CCDC171: variants seen among roughly 807,000 people sequenced by gnomAD.
CCDC171 encodes coiled-coil domain containing 171, also known as coiled-coil domain-containing protein 171.
CCDC171 carries 177 observed loss-of-function variants against 168.2 expected under a neutral mutation model. That is an observed-to-expected ratio of 1.05 (90% CI 0.93 to 1.19). The LOEUF (loss-of-function observed/expected upper bound fraction) is 1.19, where lower values mean the gene tolerates loss of function less well. CCDC171 is among the 50% of genes most tolerant of loss of function. The pLI is 0.00. For synonymous variants in CCDC171, 687 were observed against 540.8 expected, an observed-to-expected ratio of 1.27 and a Z score of -3.75; for missense variants, 1,991 against 1,539.0, an observed-to-expected ratio of 1.29 and a Z score of -4.91.
At chr9:15,787,606 C>T (rs753160671) in intron 21 of CCDC171, among the ~76,000 whole-genome samples, 8 of 152,012 alleles carry the variant, frequency 5.3e-5, no homozygotes, top group East Asian at 1.9e-4. Context: ...CTAAATGTTA[C>T]GCACATATCT....
chr9:15,723,670 A>T lies in CCDC171; in HGVS notation c.1426-11A>T. The T allele has an allele frequency of 6.3e-7, 1 of 1,587,140 alleles. No homozygotes were observed. The highest frequency in any genetic ancestry group is 1.2e-5 in the South Asian group (1 of 86,924). On this transcript the variant is annotated splice_polypyrimidine_tract_variant and intron_variant, in intron 12 of 25. Transcript: ENST00000380701. Reference sequence around the variant, plus strand: ...TTCTTTCATCAGCTAAACAGCATGAATGATGTTAAGGAAAAGGCATGTAAT... The same window carrying T: ...TTCTTTCATCAGCTAAACAGCATGATTGATGTTAAGGAAAAGGCATGTAAT...
At chr9:15,682,641 AAGATAT>A (rs2050116779) in intron 10 of CCDC171, among the ~76,000 whole-genome samples, 1 of 151,858 alleles carries the variant, frequency 6.6e-6, no homozygotes, top group Non-Finnish European at 1.5e-5. Flanking sequence ...ATAGATTTAA[AAGATAT>A]AACTAATAAA....
chr9:15,872,404 C>T (rs2062078968), intron 23 of CCDC171, among the ~76,000 whole-genome samples: 1 of 151,946 alleles, frequency 6.6e-6, no homozygotes, highest in African/African-American at 2.4e-5. Context: ...TGTCAAGCTT[C>T]GTGGATGAAG....
At chr9:15,799,477 A>G (rs1353866233) in intron 21 of CCDC171, among the ~76,000 whole-genome samples, 5 of 151,604 alleles carry the variant, frequency 3.3e-5, no homozygotes, top group Non-Finnish European at 5.9e-5. Flanking sequence ...TTTAATTTTT[A>G]ATGTTTGTGG....
At chr9:15,687,018 G>A (rs2050443515) in intron 10 of CCDC171, among the ~76,000 whole-genome samples, 1 of 152,100 alleles carries the variant, frequency 6.6e-6, no homozygotes. Flanking sequence ...CATGAAACAA[G>A]CCTCAATAAA....
In CCDC171 at chr9:15,920,411, A is replaced by G; in HGVS notation, c.3742A>G (p.Ser1248Gly). The G allele has an allele frequency of 1.2e-6, 2 of 1,605,190 alleles. No individual in the cohort carries two copies. Among genetic ancestry groups the G allele is most frequent in the Non-Finnish European group, 1.7e-6 (2 of 1,174,558 alleles). Residue 1248 changes from serine to glycine, a missense_variant, in exon 25 of 26, where the codon AGT becomes GGT. Coordinates refer to ENST00000380701, the MANE Select transcript of CCDC171 (RefSeq NM_173550.4). The stretch of plus-strand genomic sequence containing the variant: ...CACAGCTTGTTTACGTGAAAATGCA[A>G]GTTTACAATCAGTAAGTCCTTGTCT... ...LHTACLRENASLQSIGSRDHS... is the reference protein window; with the variant it reads ...LHTACLRENAGLQSIGSRDHS...
At chr9:16,072,698 G>C in the CCDC171 span, among the ~76,000 whole-genome samples, 1 of 151,966 alleles carries the variant, frequency 6.6e-6, no homozygotes, top group Non-Finnish European at 1.5e-5. Flanking sequence ...CGCCGCCAAA[G>C]CACAGTGCTC....
At chr9:16,105,734 C>G in the CCDC171 span, among the ~76,000 whole-genome samples, 1,970 of 152,320 alleles carry the variant, frequency 0.013, 22 homozygotes, top group South Asian at 0.063. Flanking sequence ...CTGTTGGCCT[C>G]TAACTTTAAA....
At chr9:15,658,301 G>A (rs917569710) in intron 8 of CCDC171, among the ~76,000 whole-genome samples, 4 of 152,092 alleles carry the variant, frequency 2.6e-5, no homozygotes, top group Admixed American at 6.6e-5. Context: ...GCAGCTTTTG[G>A]GACAGACAGA....
At chr9:15,596,385 C>T (rs2042359723) in intron 6 of CCDC171, among the ~76,000 whole-genome samples, 1 of 151,892 alleles carries the variant, frequency 6.6e-6, no homozygotes, top group South Asian at 2.1e-4. Context: ...TTCCCAGCAC[C>T]ATTTATTAAA....
At chr9:16,001,914 T>A (rs2132950994) in intron 3 of CCDC171, among the ~76,000 whole-genome samples, 1 of 150,702 alleles carries the variant, frequency 6.6e-6, no homozygotes, top group South Asian at 2.1e-4. Flanking sequence ...CATGGCTCAC[T>A]GCAGCCTTGA....
At position 15,564,063 on chromosome 9, in the gene CCDC171, G is replaced by C; in HGVS notation, c.-26G>C. The stretch of plus-strand genomic sequence containing the variant: ...AAATATGTCATTAAGAAATAGCAGG[G>C]TATTTTGAAAGAGTTGGAAAACATC... On this transcript the variant is annotated 5_prime_UTR_variant, in exon 2 of 26. Transcript: ENST00000380701. The C allele has an allele frequency of 1.3e-6, 2 of 1,567,774 alleles. No homozygotes were observed. Among genetic ancestry groups the C allele is most frequent in the South Asian group, 1.1e-5 (1 of 88,574 alleles).
chr9:15,728,440 T>G (rs1316055899), intron 15 of CCDC171, among the ~76,000 whole-genome samples: 1 of 152,208 alleles, frequency 6.6e-6, no homozygotes, highest in Non-Finnish European at 1.5e-5. Flanking sequence ...GATCTTAAAA[T>G]TCTTTGCTTA....
At chr9:15,975,025 T>C (rs550863758), downstream of CCDC171, among the ~76,000 whole-genome samples, 67 of 152,260 alleles carry the variant, frequency 4.4e-4, no homozygotes, top group African/African-American at 1.5e-3. Flanking sequence ...CACCTCAGCC[T>C]CCTGAGTACC....
At chr9:15,843,666 A>G (rs1341684938) in intron 21 of CCDC171, among the ~76,000 whole-genome samples, 4 of 152,016 alleles carry the variant, frequency 2.6e-5, no homozygotes, top group South Asian at 4.1e-4. Context: ...CTTTCTACCT[A>G]ATTGGCTTGT....
chr9:15,903,425 C>G (rs1822012982), intron 24 of CCDC171, among the ~76,000 whole-genome samples: 1 of 152,216 alleles, frequency 6.6e-6, no homozygotes, highest in Non-Finnish European at 1.5e-5. Flanking sequence ...CAAACAGGAT[C>G]TGGAGTAGAC....
At chr9:15,867,322 A>G (rs1321963633) in intron 23 of CCDC171, among the ~76,000 whole-genome samples, 2 of 152,050 alleles carry the variant, frequency 1.3e-5, no homozygotes, top group Non-Finnish European at 2.9e-5. Context: ...TTTGATTTTT[A>G]GTTTTCCGTG....
chr9:15,712,517 A>T (rs1413030995), intron 11 of CCDC171, among the ~76,000 whole-genome samples: 1 of 152,242 alleles, frequency 6.6e-6, no homozygotes, highest in Non-Finnish European at 1.5e-5. Context: ...GATCAGAAGC[A>T]ATGCCATTTG....
chr9:16,023,167 A>G (rs1344420555), intron 6 of CCDC171, among the ~76,000 whole-genome samples: 1 of 151,594 alleles, frequency 6.6e-6, no homozygotes, highest in Non-Finnish European at 1.5e-5. Flanking sequence ...GATCGGGTTC[A>G]TTGTATTCTG....
Sources: gnomAD v4.1 joint callset for allele counts (sites outside exome capture counted in the v4.1 genomes callset) on GRCh38, gnomAD v4.1.1 for gene constraint, MANE v1.5 for transcripts, NCBI Gene and HGNC (gene_info 2026-07-23, HGNC 2026-07-21) for gene names.